Variants in DACH2 observed in about 807,000 individuals in gnomAD.
DACH2 encodes the protein dachshund homolog 2.
A neutral mutation model predicts 35.8 loss-of-function variants in DACH2; 17 were observed. That is an observed-to-expected ratio of 0.48 (90% CI 0.33 to 0.71). The LOEUF is 0.71. DACH2 is among the 30% of genes least tolerant of loss of function. The pLI, the probability that DACH2 is intolerant of heterozygous loss-of-function variation, is 0.02. For synonymous variants in DACH2, 195 were observed against 177.3 expected (o/e 1.10, Z -0.79); for missense variants, 469 against 472.7 (o/e 0.99, Z 0.07).
chrX:86,510,964 A>G (rs1170403413), intron 2 of DACH2, among the ~76,000 whole-genome samples: 2 of 112,168 alleles, frequency 1.8e-5, no homozygotes, highest in Non-Finnish European at 3.8e-5. Flanking sequence ...AAGATCAGTA[A>G]TGCAATCAAC....
intron 7 of DACH2, among the ~76,000 whole-genome samples, chrX:86,756,925 G>T (rs901294471): frequency 1.1e-4 from 12 of 110,720 alleles, no homozygotes; most frequent in African/African-American, 3.3e-4. Flanking sequence ...TTTTTTAAGA[G>T]TATTTATTAT....
At chrX:86,585,240 C>T (rs1281332688) in intron 3 of DACH2, among the ~76,000 whole-genome samples, 1 of 110,979 alleles carries the variant, frequency 9.0e-6, no homozygotes, top group Non-Finnish European at 1.9e-5. Flanking sequence ...AACTGCATAC[C>T]ACAGTGGCTG....
At chrX:86,484,907 A>T (rs2037996043) in intron 2 of DACH2, among the ~76,000 whole-genome samples, 1 of 111,838 alleles carries the variant, frequency 8.9e-6, no homozygotes, top group South Asian at 3.7e-4. Context: ...ATTTCTTAGC[A>T]CATATTGTTG....
At chrX:86,805,684 A>G (rs1383239751) in intron 7 of DACH2, among the ~76,000 whole-genome samples, 1 of 111,320 alleles carries the variant, frequency 9.0e-6, no homozygotes. Context: ...ATACACTGTT[A>G]CAAGCAGCCA....
chrX:86,586,357 T>C (rs2148345439), intron 3 of DACH2, among the ~76,000 whole-genome samples: 1 of 111,416 alleles, frequency 9.0e-6, no homozygotes, highest in Non-Finnish European at 1.9e-5. Context: ...CCCCTATTCT[T>C]TGGGTTGTCT....
At chrX:86,428,611 A>G (rs1192859994) in intron 2 of DACH2, among the ~76,000 whole-genome samples, 2 of 112,038 alleles carry the variant, frequency 1.8e-5, no homozygotes, top group Non-Finnish European at 3.8e-5. Flanking sequence ...GAGTGGCCTT[A>G]GAGGTGAAAG....
chrX:86,287,384 C>T (rs1425078052), intron 1 of DACH2, among the ~76,000 whole-genome samples: 1 of 111,395 alleles, frequency 9.0e-6, no homozygotes, highest in African/African-American at 3.3e-5. Flanking sequence ...GATAAATCTA[C>T]TTGGTATTCT....
chrX:86,516,921 G>T (rs1266887196), intron 3 of DACH2, among the ~76,000 whole-genome samples: 1 of 111,403 alleles, frequency 9.0e-6, no homozygotes, highest in African/African-American at 3.3e-5. Flanking sequence ...GTATTCCATG[G>T]TGTATATATA....
intron 1 of DACH2, among the ~76,000 whole-genome samples, chrX:86,245,784 A>G (rs968976676): frequency 9.8e-5 from 11 of 112,147 alleles, no homozygotes; most frequent in African/African-American, 3.6e-4. Context: ...TCTTGCCTCC[A>G]AGCAACCACA....
intron 2 of DACH2, among the ~76,000 whole-genome samples, chrX:86,384,628 A>G (rs1171440930): frequency 8.9e-6 from 1 of 111,781 alleles, no homozygotes; most frequent in Non-Finnish European, 1.9e-5. Flanking sequence ...ATTTTAGGCT[A>G]TCATTGGAAT....
intron 2 of DACH2, among the ~76,000 whole-genome samples, chrX:86,395,848 A>G (rs768000413): frequency 2.6e-3 from 286 of 111,846 alleles, no homozygotes; most frequent in African/African-American, 8.9e-3. Context: ...CAATAAACAT[A>G]CGTGTGCATG....
intron 2 of DACH2, among the ~76,000 whole-genome samples, chrX:86,479,691 T>A (rs2037907446): frequency 8.9e-6 from 1 of 112,115 alleles, no homozygotes. Flanking sequence ...CCTGTAACTA[T>A]GTATTTCAAT....
intron 2 of DACH2, among the ~76,000 whole-genome samples, chrX:86,419,214 A>G (rs1057321063): frequency 2.7e-5 from 3 of 111,857 alleles, no homozygotes; most frequent in Non-Finnish European, 5.6e-5. Flanking sequence ...CCAGTTCCAA[A>G]GTCTTTTCCA....
rs1456325925 is a variant in DACH2 at position 86,371,282 on chromosome X, A to AT, written c.489-5534dup. ...TCACCACCACCCCATCCCATATTCA[A>AT]TTTTTTTTGTTTTTCCTCTTGACTC... On this transcript the variant is annotated intron_variant, in intron 1 of 11. Transcript: ENST00000373125. Among the ~76,000 whole-genome samples, 212 of 110,416 alleles carry AT rather than the reference A, an allele frequency of 1.9e-3. 2 individuals carry two copies. The highest frequency in any genetic ancestry group is 0.019 in the Middle Eastern group (4 of 216).
chrX:86,752,777 T>C (rs1287755409), intron 7 of DACH2, among the ~76,000 whole-genome samples: 1 of 111,300 alleles, frequency 9.0e-6, no homozygotes, highest in African/African-American at 3.3e-5. Flanking sequence ...TTAAAAATAT[T>C]CTGTGTTATG....
At chrX:86,725,957 C>G (rs532776931) in intron 6 of DACH2, among the ~76,000 whole-genome samples, 15 of 111,335 alleles carry the variant, frequency 1.3e-4, no homozygotes, top group South Asian at 1.1e-3. Context: ...TTCCTGGGTC[C>G]TGCATGGCAT....
intron 3 of DACH2, among the ~76,000 whole-genome samples, chrX:86,631,531 C>G (rs1240388350): frequency 7.1e-5 from 8 of 112,010 alleles, no homozygotes; most frequent in Non-Finnish European, 1.9e-5. Context: ...CAGATCTAAA[C>G]TGCTTTTCAT....
At chrX:86,392,498 T>C (rs1479718079) in intron 2 of DACH2, among the ~76,000 whole-genome samples, 2 of 111,848 alleles carry the variant, frequency 1.8e-5, no homozygotes, top group Admixed American at 9.5e-5. Context: ...AATGGTTTTG[T>C]GGAGGATAAT....
chrX:86,170,521 T>C (rs1285690740), intron 1 of DACH2, among the ~76,000 whole-genome samples: 1 of 111,870 alleles, frequency 8.9e-6, no homozygotes, highest in Non-Finnish European at 1.9e-5. Flanking sequence ...TACCTGGTGT[T>C]CTATTGTATT....
Sources: gnomAD v4.1 joint callset for allele counts (sites outside exome capture counted in the v4.1 genomes callset) on GRCh38, gnomAD v4.1.1 for gene constraint, MANE v1.5 for transcripts, NCBI Gene and HGNC (gene_info 2026-07-23, HGNC 2026-07-21) for gene names.